GHR: variants seen among roughly 807,000 people sequenced by gnomAD.
GHR encodes the protein growth hormone receptor.
In GHR, 35 loss-of-function variants were observed where a neutral mutation model predicts 67.1. That is an observed-to-expected ratio of 0.52 (90% confidence interval 0.40 to 0.69). GHR has a LOEUF of 0.69. Among genes scored for constraint, GHR ranks in the 30% least tolerant of loss-of-function variants. GHR has a pLI of 0.00. For synonymous variants in GHR, 272 were observed against 269.1 expected, an observed-to-expected ratio of 1.01 and a Z score of -0.10; for missense variants, 792 against 764.6, an observed-to-expected ratio of 1.04 and a Z score of -0.42.
chr5:42,467,985 A>T (rs1288218437), intron 1 of GHR: 3 of 729,118 alleles, frequency 4.1e-6, no homozygotes, highest in African/African-American at 3.5e-5. Flanking sequence ...TGCCTCTTTA[A>T]CATGTTTTCT....
At position 42,719,432 on chromosome 5, in the gene GHR, T is replaced by G. The variant is rs1460223136; in HGVS notation, c.*8T>G. The stretch of plus-strand genomic sequence containing the variant: ...AACAAAATCATGCCTTAGCCTTTCT[T>G]TGGTTTCCCAAGAGCTACGTATTTA... On this transcript the variant is annotated 3_prime_UTR_variant, in exon 10 of 10. Transcript: ENST00000230882. 3 of 1,610,988 alleles carry G rather than the reference T, an allele frequency of 1.9e-6. No homozygotes were observed. The South Asian group carries it at 3.3e-5, about 18-fold the overall frequency.
chr5:42,583,064 T>C (rs903064789), intron 2 of GHR, among the ~76,000 whole-genome samples: 5 of 152,202 alleles, frequency 3.3e-5, no homozygotes, highest in Non-Finnish European at 7.3e-5. Context: ...CGAGCAAAAC[T>C]TGGGCAAATG....
At chr5:42,478,622 A>T (rs1255329640) in intron 1 of GHR, among the ~76,000 whole-genome samples, 1 of 152,112 alleles carries the variant, frequency 6.6e-6, no homozygotes, top group Non-Finnish European at 1.5e-5. Flanking sequence ...TTGGATTTCT[A>T]GGTATTTTAT....
At chr5:42,604,287 T>C (rs1258296570) in intron 2 of GHR, among the ~76,000 whole-genome samples, 2 of 152,190 alleles carry the variant, frequency 1.3e-5, no homozygotes, top group East Asian at 3.9e-4. Context: ...TTGACAATCA[T>C]GTGGAAATGT....
intron 2 of GHR, among the ~76,000 whole-genome samples, chr5:42,569,693 T>C (rs1750166041): frequency 6.6e-6 from 1 of 152,128 alleles, no homozygotes; most frequent in Non-Finnish European, 1.5e-5. Flanking sequence ...ATATTTATAT[T>C]TGTATGTGTG....
intron 1 of GHR, among the ~76,000 whole-genome samples, chr5:42,562,281 G>A (rs1749652069): frequency 6.6e-6 from 1 of 152,192 alleles, no homozygotes; most frequent in Non-Finnish European, 1.5e-5. Flanking sequence ...GAGTTCTCCA[G>A]AGGAGTGCAG....
chr5:42,691,629 G>A (rs977532746), intron 4 of GHR, among the ~76,000 whole-genome samples: 1 of 152,238 alleles, frequency 6.6e-6, no homozygotes, highest in Non-Finnish European at 1.5e-5. Flanking sequence ...AGTGGGCAGT[G>A]CAGTTGTTTC....
chr5:42,536,611 C>G (rs763373875), intron 1 of GHR, among the ~76,000 whole-genome samples: 1 of 151,954 alleles, frequency 6.6e-6, no homozygotes, highest in Non-Finnish European at 1.5e-5. Flanking sequence ...TCAAGGATAT[C>G]GGTCTGTAGT....
At chr5:42,592,718 G>A (rs926223011) in intron 2 of GHR, among the ~76,000 whole-genome samples, 2 of 152,186 alleles carry the variant, frequency 1.3e-5, no homozygotes, top group Admixed American at 6.5e-5. Flanking sequence ...GAGCCTCAGT[G>A]AACATACGTG....
At chr5:42,474,498 G>C (rs1321094860) in intron 1 of GHR, among the ~76,000 whole-genome samples, 2 of 152,046 alleles carry the variant, frequency 1.3e-5, no homozygotes, top group Admixed American at 1.3e-4. Context: ...CCTCTGAGAG[G>C]CTTGCAAATA....
chr5:42,468,206 A>C, intron 1 of GHR: 2 of 1,430,268 alleles, frequency 1.4e-6, no homozygotes, highest in Non-Finnish European at 2.0e-6. Flanking sequence ...ATGTTCTCAG[A>C]GTGCACTTGT....
intron 1 of GHR, among the ~76,000 whole-genome samples, chr5:42,556,464 G>T (rs1427366817): frequency 6.6e-6 from 1 of 152,012 alleles, no homozygotes; most frequent in East Asian, 1.9e-4. Flanking sequence ...CATTTTCCAT[G>T]ATCTATATGA....
intron 1 of GHR, among the ~76,000 whole-genome samples, chr5:42,473,578 C>T (rs1000239354): frequency 1.3e-5 from 2 of 152,052 alleles, no homozygotes. Context: ...TTAGAAAGGT[C>T]TATTGAAAAG....
Position 42,718,617 on chromosome 5 carries a change from T to C in GHR, c.1110T>C (p.His370=). The part of the protein sequence containing the change: ...SDTDRLLSSD[H]EKSHSNLGVK... ...CAGACAGACTTCTAAGCAGTGACCA[T>C]GAGAAATCACATAGTAACCTAGGGG... The change falls in exon 10 of 10, where the codon CAT becomes CAC. Residue 370 remains histidine, a synonymous_variant. Transcript: ENST00000230882. The C allele has an allele frequency of 6.2e-7, 1 of 1,613,484 alleles. No homozygotes were observed. The highest frequency in any genetic ancestry group is 8.5e-7 in the Non-Finnish European group (1 of 1,179,386).
intron 3 of GHR, among the ~76,000 whole-genome samples, chr5:42,641,622 T>C (rs1254396221): frequency 6.6e-6 from 1 of 152,154 alleles, no homozygotes; most frequent in Non-Finnish European, 1.5e-5. Flanking sequence ...TCACTATCGC[T>C]ACCCCCAATC....
intron 1 of GHR, among the ~76,000 whole-genome samples, chr5:42,509,906 G>T (rs1365658610): frequency 1.3e-5 from 2 of 152,106 alleles, no homozygotes; most frequent in Non-Finnish European, 2.9e-5. Context: ...GAATACATTT[G>T]CTCTTGTGGC....
At chr5:42,594,872 G>A (rs1191693589) in intron 2 of GHR, among the ~76,000 whole-genome samples, 1 of 152,136 alleles carries the variant, frequency 6.6e-6, no homozygotes, top group Non-Finnish European at 1.5e-5. Context: ...GCATCATCAT[G>A]TCTTGTAGGC....
chr5:42,624,404 C>T (rs1753599794), intron 2 of GHR, among the ~76,000 whole-genome samples: 1 of 152,144 alleles, frequency 6.6e-6, no homozygotes, highest in Non-Finnish European at 1.5e-5. Flanking sequence ...TTAGTTTTCT[C>T]AGATTCAAGC....
chr5:42,482,216 G>T (rs1272378402), intron 1 of GHR, among the ~76,000 whole-genome samples: 1 of 152,192 alleles, frequency 6.6e-6, no homozygotes, highest in Non-Finnish European at 1.5e-5. Flanking sequence ...AACCGCAAAT[G>T]CTGCTGCCTG....
Sources: gnomAD v4.1 joint callset for allele counts (sites outside exome capture counted in the v4.1 genomes callset) on GRCh38, gnomAD v4.1.1 for gene constraint, MANE v1.5 for transcripts, NCBI Gene and HGNC (gene_info 2026-07-23, HGNC 2026-07-21) for gene names.